ZCCHC14: variants seen among roughly 807,000 people sequenced by gnomAD.
The protein encoded by ZCCHC14 is zinc finger CCHC domain-containing protein 14.
ZCCHC14 carries 16 observed loss-of-function variants against 85.0 expected under a neutral mutation model. The observed-to-expected ratio is 0.19, with a 90% CI of 0.13 to 0.29. The LOEUF (loss-of-function observed/expected upper bound fraction) is 0.29. ZCCHC14 is among the 10% of genes least tolerant of loss of function. The pLI is 1.00. For missense variants in ZCCHC14, 1,303 were observed against 1,443.5 expected (o/e 0.90, Z 1.58); for synonymous variants, 775 against 630.7 (o/e 1.23, Z -3.43).
chr16:87,418,926 TA>T, intron 6 of ZCCHC14, 25 bp from the exon 7 acceptor site: 1 of 1,567,576 alleles, frequency 6.4e-7, no homozygotes, highest in Non-Finnish European at 8.7e-7. Flanking sequence ...ATAAATACCA[TA>T]AAAATTTACA....
Position 87,492,110 on chromosome 16 carries a change from G to A in ZCCHC14, c.129C>T (p.Phe43=), listed in dbSNP as rs1250545184. 3.4e-5 allele frequency: 47 copies of A among 1,373,880 alleles called. No homozygotes were observed. Among genetic ancestry groups the A allele is most frequent in the Admixed American group, 7.0e-5 (2 of 28,760 alleles). The allele number at this position is 1,373,880 out of a possible 1,614,324, so 85.1% of individuals were successfully genotyped here. A position where few individuals can be genotyped will look rare whatever the true frequency, so the allele number is the denominator to read the frequency against. The change falls in exon 1 of 13, where the codon TTC becomes TTT. Residue 43 remains phenylalanine, a synonymous_variant. Transcript: ENST00000671377. This position sits in a 1 kb window ranked among gnomAD's most constrained non-coding sequence, Gnocchi z 6.7. Reference sequence around the variant, plus strand: ...CCAGGTCCTCCAGGCACGAGCCGAGGAAGCGAAGCTCGAGCGGGATGCACA... The same window carrying A: ...CCAGGTCCTCCAGGCACGAGCCGAGAAAGCGAAGCTCGAGCGGGATGCACA... ...LDLCIPLELR[F]LGSCLEDLAR...
At chr16:87,435,846 T>G (rs1449936217) in intron 2 of ZCCHC14, among the ~76,000 whole-genome samples, 1 of 152,244 alleles carries the variant, frequency 6.6e-6, no homozygotes, top group East Asian at 1.9e-4. Flanking sequence ...CACAGCACAT[T>G]TAGAGGCTAC....
intron 1 of ZCCHC14, among the ~76,000 whole-genome samples, chr16:87,461,548 A>T (rs1008585773): frequency 6.6e-6 from 1 of 152,216 alleles, no homozygotes; most frequent in Admixed American, 6.5e-5. Context: ...TCCAGCCTCC[A>T]CTTGTTCTTT....
At chr16:87,482,895 G>C (rs1229120481) in intron 1 of ZCCHC14, among the ~76,000 whole-genome samples, 1 of 152,110 alleles carries the variant, frequency 6.6e-6, no homozygotes, top group Non-Finnish European at 1.5e-5. Flanking sequence ...GCAGGGGACT[G>C]TCTTCAGAAT....
At chr16:87,444,211 T>C (rs2150746522) in intron 2 of ZCCHC14, among the ~76,000 whole-genome samples, 1 of 152,318 alleles carries the variant, frequency 6.6e-6, no homozygotes, top group Non-Finnish European at 1.5e-5. Context: ...CCTAGGCCGT[T>C]GGAAATTGTT....
chr16:87,476,734 G>T (rs569790010), intron 1 of ZCCHC14, among the ~76,000 whole-genome samples: 1 of 114,480 alleles, frequency 8.7e-6, no homozygotes, highest in African/African-American at 3.4e-5. Context: ...TAAGGCCTGG[G>T]GGTGGGGGGT....
intron 1 of ZCCHC14, among the ~76,000 whole-genome samples, chr16:87,487,276 CTT>C (rs1912551509): frequency 6.6e-6 from 1 of 152,164 alleles, no homozygotes; most frequent in Non-Finnish European, 1.5e-5. Flanking sequence ...GCACCAAAAA[CTT>C]TAAAAACGTT....
rs1308984486 is a variant in ZCCHC14, at chr16:87,406,494, G to A, written c.*3786C>T. 1 of 152,562 alleles carries A rather than the reference G, an allele frequency of 6.6e-6. No individual in the cohort carries two copies. The allele number at this position is 152,562 out of a possible 1,614,324, so 9.5% of individuals were successfully genotyped here. ...TGACAAAAGAATGGCTCAAAAATGG[G>A]AGAATTTTCCTTCATTCCTAAAAAG... On this transcript the variant is annotated 3_prime_UTR_variant, in exon 13 of 13. Coordinates refer to ENST00000671377, the MANE Select transcript of ZCCHC14 (RefSeq NM_015144.3).
chr16:87,423,177 G>C (rs574036793), intron 4 of ZCCHC14, among the ~76,000 whole-genome samples: 1 of 152,234 alleles, frequency 6.6e-6, no homozygotes, highest in Non-Finnish European at 1.5e-5. Context: ...CACGTGTGCA[G>C]TTACAACTGT....
At chr16:87,439,386 G>C (rs1208754933) in intron 2 of ZCCHC14, among the ~76,000 whole-genome samples, 3 of 152,116 alleles carry the variant, frequency 2.0e-5, no homozygotes, top group Admixed American at 6.5e-5. Flanking sequence ...ACCCGCCTCG[G>C]CCTCCCAAAG....
chr16:87,442,224 C>T (rs922765502), intron 2 of ZCCHC14, among the ~76,000 whole-genome samples: 2 of 152,140 alleles, frequency 1.3e-5, no homozygotes, highest in Non-Finnish European at 2.9e-5. Context: ...CCCCAAAGGA[C>T]GAGGCCAAAC....
At chr16:87,410,945 C>T (rs1039990285) in intron 12 of ZCCHC14, among the ~76,000 whole-genome samples, 1 of 152,190 alleles carries the variant, frequency 6.6e-6, no homozygotes, top group African/African-American at 2.4e-5. Context: ...CCTTCCCAGT[C>T]CCCCGTTTCC....
rs536323675 is a variant in ZCCHC14, at chr16:87,412,980, G to A, written c.1745-4C>T. ...CTCTCCAAGTGAATCTCCACACCTA[G>A]AGAGGGAAACAAGAGTGGTCAGTGC... On this transcript the variant is annotated splice_region_variant and splice_polypyrimidine_tract_variant and intron_variant, in intron 11 of 12. Coordinates refer to ENST00000671377, the MANE Select transcript of ZCCHC14 (RefSeq NM_015144.3). 6.2e-7 allele frequency: 1 copy of A among 1,612,998 alleles called. No homozygotes were observed.
chr16:87,432,637 C>T (rs368279739), intron 3 of ZCCHC14, among the ~76,000 whole-genome samples: 1 of 152,160 alleles, frequency 6.6e-6, no homozygotes, highest in South Asian at 2.1e-4. Flanking sequence ...CTGGCCATCT[C>T]GACCCTGGTC....
rs766416594 is a variant in ZCCHC14 at position 87,412,058 on chromosome 16, C to G, written c.2663G>C (p.Gly888Ala). Residue 888 changes from glycine (G) to alanine (A), a missense_variant, in exon 12 of 13, where the codon GGC (glycine) becomes GCC (alanine). Coordinates refer to ENST00000671377, the MANE Select transcript of ZCCHC14 (RefSeq NM_015144.3). ...SSFYSSSGGG[G>A]STGNIPASNP... ...CGAGGCAGGAATGTTTCCTGTGGAG[C>G]CGCCACCGCCACTGCTGCTATAGAA... 67 of 1,609,918 alleles carry G rather than the reference C, an allele frequency of 4.2e-5. No individual in the cohort carries two copies. Among genetic ancestry groups the G allele is most frequent in the Non-Finnish European group, 5.6e-5 (66 of 1,179,968 alleles).
intron 2 of ZCCHC14, among the ~76,000 whole-genome samples, chr16:87,455,895 C>T (rs74323839): frequency 0.016 from 2,469 of 152,278 alleles, 24 homozygotes; most frequent in Middle Eastern, 0.048. Flanking sequence ...CACCTGCAGG[C>T]TAATGCAAGC....
chr16:87,449,129 A>C (rs1243011526), intron 2 of ZCCHC14, among the ~76,000 whole-genome samples: 1 of 152,012 alleles, frequency 6.6e-6, no homozygotes, highest in African/African-American at 2.4e-5. Context: ...CAGCCAACCC[A>C]CACATCCGTG....
At chr16:87,456,651 C>T (rs1910984989) in intron 2 of ZCCHC14, among the ~76,000 whole-genome samples, 1 of 149,188 alleles carries the variant, frequency 6.7e-6, no homozygotes, top group East Asian at 2.0e-4. Context: ...GTCTTTAGCT[C>T]TCTTCAGCTG....
At chr16:87,455,210 C>A (rs1015803637) in intron 2 of ZCCHC14, among the ~76,000 whole-genome samples, 2 of 152,086 alleles carry the variant, frequency 1.3e-5, no homozygotes, top group African/African-American at 4.8e-5. Context: ...ATCACTTGAC[C>A]CCAGGAGGTG....
Sources: gnomAD v4.1 joint callset for allele counts (sites outside exome capture counted in the v4.1 genomes callset) on GRCh38, gnomAD v4.1.1 for gene constraint, Gnocchi (gnomAD v3.1) non-coding constraint, MANE v1.5 for transcripts, NCBI Gene and HGNC (gene_info 2026-07-23, HGNC 2026-07-21) for gene names.